The following MAGI2 variants were observed in gnomAD, a reference collection of about 807,000 sequenced individuals.
The protein encoded by MAGI2 is membrane associated guanylate kinase, WW and PDZ domain containing 2, also known as membrane-associated guanylate kinase, WW and PDZ domain-containing protein 2.
A neutral mutation model predicts 133.3 loss-of-function variants in MAGI2; 35 were observed. That is an observed-to-expected ratio of 0.26 (90% confidence interval 0.20 to 0.35). MAGI2 has a LOEUF of 0.35. MAGI2 is among the 10% of genes least tolerant of loss of function. The probability of loss-of-function intolerance (pLI) is 1.00; values close to 1 mark genes in which losing one functional copy is unlikely to be tolerated. For synonymous variants in MAGI2, 729 were observed against 710.6 expected (o/e 1.03, Z -0.41); for missense variants, 1,636 against 1,863.4 (o/e 0.88, Z 2.25).
chr7:78,279,329 C>T (rs1042858318), intron 9 of MAGI2, among the ~76,000 whole-genome samples: 12 of 152,116 alleles, frequency 7.9e-5, no homozygotes, highest in Non-Finnish European at 5.9e-5. Context: ...TAAGTCACTC[C>T]GAGTGGATAA....
intron 1 of MAGI2, among the ~76,000 whole-genome samples, chr7:79,174,497 A>ATGTATT (rs1825912182): frequency 6.6e-6 from 1 of 151,968 alleles, no homozygotes; most frequent in Non-Finnish European, 1.5e-5. Context: ...AATTACAACA[A>ATGTATT]AATACCTTTA....
At chr7:78,208,405 A>C (rs1156397073) in intron 10 of MAGI2, among the ~76,000 whole-genome samples, 3 of 152,190 alleles carry the variant, frequency 2.0e-5, no homozygotes, top group Admixed American at 1.3e-4. Flanking sequence ...AAAATAATGC[A>C]GGCAAGGTGA....
chr7:78,705,870 A>G (rs1818590626), intron 2 of MAGI2, among the ~76,000 whole-genome samples: 1 of 151,970 alleles, frequency 6.6e-6, no homozygotes, highest in South Asian at 2.1e-4. Context: ...GTTTGTTCCT[A>G]GTTTTTAACA....
chr7:78,603,170 A>G lies in MAGI2; in HGVS notation c.538+23950T>C, dbSNP rs568048230. On this transcript the variant is annotated intron_variant, in intron 3 of 21. Coordinates refer to ENST00000354212, the MANE Select transcript of MAGI2 (RefSeq NM_012301.4). ...AGTGCCAAGAAAACTGATAATGTAA[A>G]GTACTAAAATCTTTCACAAAATTTT... 5.9e-5 allele frequency among the ~76,000 whole-genome samples: 9 copies of G among 152,340 alleles called. No individual in the cohort carries two copies. In the East Asian group the frequency reaches 1.7e-3, roughly 29 times the overall value.
At chr7:78,804,833 C>A (rs922199464) in intron 2 of MAGI2, among the ~76,000 whole-genome samples, 1 of 150,624 alleles carries the variant, frequency 6.6e-6, no homozygotes, top group African/African-American at 2.4e-5. Flanking sequence ...TTTGGGAAGC[C>A]GAGGCGGGTG....
chr7:78,294,249 C>T (rs564956021), intron 9 of MAGI2, among the ~76,000 whole-genome samples: 4 of 151,856 alleles, frequency 2.6e-5, no homozygotes, highest in African/African-American at 4.8e-5. Context: ...AACCAAGAGG[C>T]GAAGAATGGC....
intron 2 of MAGI2, chr7:78,901,172 A>T (rs1456486727): frequency 2.6e-5 from 4 of 152,218 alleles, no homozygotes; most frequent in African/African-American, 4.8e-5. Flanking sequence ...TTTAAGGAGC[A>T]GGGATTAAAT....
chr7:78,806,444 C>T (rs1489969508), intron 2 of MAGI2, among the ~76,000 whole-genome samples: 1 of 152,056 alleles, frequency 6.6e-6, no homozygotes, highest in East Asian at 1.9e-4. Context: ...TCAGTGGAAT[C>T]CTGCCAAGAG....
At chr7:78,456,476 T>C (rs983689910) in intron 6 of MAGI2, among the ~76,000 whole-genome samples, 2 of 152,176 alleles carry the variant, frequency 1.3e-5, no homozygotes, top group African/African-American at 4.8e-5. Flanking sequence ...GAGCACATAC[T>C]CTAGGCTAAG....
intron 2 of MAGI2, among the ~76,000 whole-genome samples, chr7:78,936,389 A>G (rs966961418): frequency 5.9e-5 from 9 of 151,990 alleles, no homozygotes; most frequent in African/African-American, 1.7e-4. Context: ...TCAAAAACAA[A>G]TATAGTTGAA....
chr7:79,214,849 A>T (rs1042363271), intron 1 of MAGI2, among the ~76,000 whole-genome samples: 1 of 144,602 alleles, frequency 6.9e-6, no homozygotes, highest in Non-Finnish European at 1.5e-5. Context: ...TAAAATTTAT[A>T]AATTTATAAA....
At chr7:78,717,666 C>T (rs775543879) in intron 2 of MAGI2, among the ~76,000 whole-genome samples, 51 of 152,260 alleles carry the variant, frequency 3.3e-4, no homozygotes, top group Middle Eastern at 3.4e-3. Flanking sequence ...ATATGTCAAG[C>T]TCCAAACTTA....
intron 9 of MAGI2, among the ~76,000 whole-genome samples, chr7:78,278,889 T>TA (rs1245473723): frequency 1.6e-4 from 25 of 152,180 alleles, no homozygotes; most frequent in African/African-American, 6.0e-4. Context: ...GCACTAGCTA[T>TA]ACAGAGACCA....
intron 2 of MAGI2, among the ~76,000 whole-genome samples, chr7:78,647,400 A>G (rs1325950546): frequency 6.6e-6 from 1 of 152,234 alleles, no homozygotes; most frequent in African/African-American, 2.4e-5. Flanking sequence ...AAAAATGCTC[A>G]TCATCACTGG....
At chr7:78,978,087 T>C (rs1252230761) in intron 2 of MAGI2, among the ~76,000 whole-genome samples, 1 of 151,784 alleles carries the variant, frequency 6.6e-6, no homozygotes, top group African/African-American at 2.4e-5. Flanking sequence ...TAAAAAATAA[T>C]ACGGCCACTT....
intron 1 of MAGI2, among the ~76,000 whole-genome samples, chr7:79,080,604 G>A (rs889074589): frequency 6.6e-6 from 1 of 151,994 alleles, no homozygotes; most frequent in African/African-American, 2.4e-5. Context: ...TCATTATACA[G>A]AAAAGATAGG....
At chr7:79,028,568 A>G (rs1016086773) in intron 1 of MAGI2, among the ~76,000 whole-genome samples, 13 of 151,912 alleles carry the variant, frequency 8.6e-5, no homozygotes, top group African/African-American at 3.1e-4. Context: ...TTACTATCTT[A>G]TTATGAGAAT....
intron 6 of MAGI2, among the ~76,000 whole-genome samples, chr7:78,381,016 AT>A (rs1476855330): frequency 6.6e-6 from 1 of 152,156 alleles, no homozygotes; most frequent in African/African-American, 2.4e-5. Context: ...TTTTTGGTCA[AT>A]TTACCATAGT....
At chr7:78,268,146 T>A (rs1470131139) in intron 9 of MAGI2, among the ~76,000 whole-genome samples, 1 of 152,060 alleles carries the variant, frequency 6.6e-6, no homozygotes, top group Admixed American at 6.6e-5. Flanking sequence ...AATGAAAATT[T>A]CTTGCTTTTT....
Sources: allele counts gnomAD v4.1 joint callset (sites outside exome capture counted in the v4.1 genomes callset), GRCh38; gene constraint gnomAD v4.1.1; transcripts MANE v1.5; gene names NCBI Gene and HGNC (gene_info 2026-07-23, HGNC 2026-07-21).